The following CDH13 variants were observed in gnomAD, a reference collection of about 807,000 sequenced individuals.
CDH13 encodes the protein cadherin 13, also known as cadherin-13.
A neutral mutation model predicts 63.8 loss-of-function variants in CDH13; 24 were observed. The ratio of observed to expected loss-of-function variants is 0.38; its 90% CI spans 0.27 to 0.53. CDH13 has a LOEUF of 0.53. CDH13 is among the 20% of genes least tolerant of loss of function. CDH13 has a pLI of 0.85. For missense variants in CDH13, 1,049 were observed against 903.1 expected, an observed-to-expected ratio of 1.16 and a Z score of -2.07; for synonymous variants, 503 against 355.3, an observed-to-expected ratio of 1.42 and a Z score of -4.67.
chr16:82,929,251 C>T (rs2042400656), intron 2 of CDH13, among the ~76,000 whole-genome samples: 1 of 152,058 alleles, frequency 6.6e-6, no homozygotes, highest in South Asian at 2.1e-4. Context: ...GTAGGGCTTT[C>T]ATGAGGTGGT....
At chr16:83,621,240 T>C (rs917020138) in intron 8 of CDH13, among the ~76,000 whole-genome samples, 1 of 152,184 alleles carries the variant, frequency 6.6e-6, no homozygotes, top group African/African-American at 2.4e-5. Context: ...CAGGCATTTC[T>C]GCCGGATTCA....
intron 3 of CDH13, among the ~76,000 whole-genome samples, chr16:83,100,765 C>T (rs2034436305): frequency 6.6e-6 from 1 of 152,190 alleles, no homozygotes; most frequent in South Asian, 2.1e-4. Flanking sequence ...TACAAACAGC[C>T]ATCCCCTTAG....
intron 6 of CDH13, among the ~76,000 whole-genome samples, chr16:83,372,651 C>G (rs368315736): frequency 8.1e-5 from 12 of 148,382 alleles, no homozygotes; most frequent in African/African-American, 2.5e-4. Flanking sequence ...ACTCGGGAGG[C>G]TGAAGCAGGA....
chr16:83,284,082 A>G (rs924198073), intron 5 of CDH13, among the ~76,000 whole-genome samples: 9 of 152,228 alleles, frequency 5.9e-5, no homozygotes, highest in Admixed American at 3.3e-4. Context: ...TATCAAACAC[A>G]GTAGTTAGCT....
intron 1 of CDH13, among the ~76,000 whole-genome samples, chr16:82,820,496 G>A (rs867883190): frequency 1.1e-3 from 161 of 152,328 alleles, no homozygotes; most frequent in African/African-American, 3.6e-3. Flanking sequence ...TAATTGGTTA[G>A]TGGTGGAGGC....
chr16:83,189,274 C>T (rs1405528522), intron 4 of CDH13, among the ~76,000 whole-genome samples: 6 of 152,178 alleles, frequency 3.9e-5, no homozygotes, highest in African/African-American at 1.4e-4. Context: ...AGGCCTCCAG[C>T]CCCTCATGCA....
chr16:83,053,976 C>G (rs187216242), intron 3 of CDH13, among the ~76,000 whole-genome samples: 1 of 152,294 alleles, frequency 6.6e-6, no homozygotes, highest in East Asian at 1.9e-4. Context: ...AATTATAATA[C>G]CATATTTTTA....
chr16:83,450,829 C>T (rs1282547669), intron 6 of CDH13, among the ~76,000 whole-genome samples: 1 of 152,114 alleles, frequency 6.6e-6, no homozygotes, highest in Non-Finnish European at 1.5e-5. Flanking sequence ...GAGATGGTGC[C>T]ACTGCACTCC....
chr16:83,580,427 C>A (rs1226434635), intron 7 of CDH13, among the ~76,000 whole-genome samples: 1 of 144,812 alleles, frequency 6.9e-6, no homozygotes, highest in Non-Finnish European at 1.5e-5. Flanking sequence ...AACTCAGCAC[C>A]CAGTTTTCAT....
intron 6 of CDH13, among the ~76,000 whole-genome samples, chr16:83,389,425 G>A (rs2091741215): frequency 6.6e-6 from 1 of 152,074 alleles, no homozygotes; most frequent in African/African-American, 2.4e-5. Context: ...TTTCCCATTT[G>A]ACCCCGAATT....
chr16:82,897,965 G>A (rs1056128797), intron 2 of CDH13, among the ~76,000 whole-genome samples: 6 of 152,170 alleles, frequency 3.9e-5, no homozygotes, highest in African/African-American at 1.4e-4. Flanking sequence ...CTTATCATCT[G>A]CACCGTCCAA....
chr16:83,030,629 C>G (rs1437517796), intron 2 of CDH13, among the ~76,000 whole-genome samples: 4 of 115,112 alleles, frequency 3.5e-5, no homozygotes, highest in African/African-American at 1.4e-4. Context: ...GATGACAGAG[C>G]AAGACTCTGT....
At chr16:82,952,853 G>C (rs925410691) in intron 2 of CDH13, among the ~76,000 whole-genome samples, 1 of 152,150 alleles carries the variant, frequency 6.6e-6, no homozygotes, top group Non-Finnish European at 1.5e-5. Flanking sequence ...CTCCACCTCT[G>C]ATTCCTCACT....
At chr16:82,730,666 C>T (rs1327909564) in intron 1 of CDH13, among the ~76,000 whole-genome samples, 5 of 152,028 alleles carry the variant, frequency 3.3e-5, no homozygotes, top group African/African-American at 1.2e-4. Context: ...AAAATGACAC[C>T]AATACACTTG....
At chr16:83,386,776 T>C (rs1369497995) in intron 6 of CDH13, among the ~76,000 whole-genome samples, 1 of 152,218 alleles carries the variant, frequency 6.6e-6, no homozygotes, top group East Asian at 1.9e-4. Context: ...CTGCTGGTAT[T>C]GATTCAACAT....
rs869202510 is a variant in CDH13, at chr16:83,602,107, C to CAAAAAAAAAAAAAAAAAAAAAAA, written c.961-333_961-311dup. Among the ~76,000 whole-genome samples, 5 of 7,960 alleles carry CAAAAAAAAAAAAAAAAAAAAAAA rather than the reference C, an allele frequency of 6.3e-4. 1 individual carries two copies. Among genetic ancestry groups the CAAAAAAAAAAAAAAAAAAAAAAA allele is most frequent in the Non-Finnish European group, 9.3e-4 (5 of 5,368 alleles). The allele number at this position is 7,960 out of a possible 152,430, so 5.2% of individuals were successfully genotyped here. A position where few individuals can be genotyped will look rare whatever the true frequency, so the allele number is the denominator to read the frequency against. The stretch of plus-strand genomic sequence containing the variant: ...CAAAAAAAAAAAAAAAGAACAACAA[C>CAAAAAAAAAAAAAAAAAAAAAAA]AAAAAAAAAAAAAAAAAAAAAAAAA... On this transcript the variant is annotated intron_variant, in intron 7 of 13. Transcript: ENST00000567109.
intron 5 of CDH13, among the ~76,000 whole-genome samples, chr16:83,228,882 A>G (rs2039922976): frequency 2.0e-5 from 3 of 152,168 alleles, no homozygotes; most frequent in African/African-American, 7.2e-5. Flanking sequence ...CATGCAGGGG[A>G]TGAATGGGAG....
chr16:82,985,941 A>G (rs1278196780), intron 2 of CDH13, among the ~76,000 whole-genome samples: 1 of 152,030 alleles, frequency 6.6e-6, no homozygotes, highest in Non-Finnish European at 1.5e-5. Context: ...ACCTTCCACC[A>G]TGACTGGAAG....
chr16:83,164,739 T>C (rs1483293284), intron 4 of CDH13, among the ~76,000 whole-genome samples: 1 of 129,932 alleles, frequency 7.7e-6, no homozygotes, highest in Non-Finnish European at 1.6e-5. Flanking sequence ...AAAAAAAAAA[T>C]CATCGTTTTA....
Sources: allele counts gnomAD v4.1 joint callset (sites outside exome capture counted in the v4.1 genomes callset), GRCh38; gene constraint gnomAD v4.1.1; transcripts MANE v1.5; gene names NCBI Gene and HGNC (gene_info 2026-07-23, HGNC 2026-07-21).